Variants in ZNF761 observed in about 807,000 individuals in gnomAD.
The protein encoded by ZNF761 is zinc finger protein 761.
In ZNF761, 43 loss-of-function variants were observed where a neutral mutation model predicts 59.9. The observed-to-expected ratio is 0.72, with a 90% confidence interval of 0.56 to 0.92. The LOEUF (loss-of-function observed/expected upper bound fraction) is 0.92, where lower values mean the gene tolerates loss of function less well. ZNF761 is among the 40% of genes least tolerant of loss of function. The pLI, the probability that ZNF761 is intolerant of heterozygous loss-of-function variation, is 0.00. For missense variants in ZNF761, 850 were observed against 906.1 expected, an observed-to-expected ratio of 0.94 and a Z score of 0.79; for synonymous variants, 294 against 304.8, an observed-to-expected ratio of 0.96 and a Z score of 0.37.
chr19:53,440,076 A>G (rs558751427), intron 1 of ZNF761, among the ~76,000 whole-genome samples: 2 of 152,284 alleles, frequency 1.3e-5, no homozygotes, highest in South Asian at 4.1e-4. Flanking sequence ...CACCATTTTC[A>G]GAGACTGGGG....
At chr19:53,442,587 C>T (rs2086112124) in intron 1 of ZNF761, 1 of 620,930 alleles carries the variant, frequency 1.6e-6, no homozygotes, top group South Asian at 1.7e-5. Context: ...CCAGACTTTG[C>T]TTGACCTGAA....
chr19:53,441,764 T>G, intron 1 of ZNF761: 1 of 866,786 alleles, frequency 1.2e-6, no homozygotes, highest in Non-Finnish European at 1.8e-6. Context: ...AATCTTAGTT[T>G]TCAAAATTTC....
At chr19:53,443,469 A>C (rs2086121637) in intron 1 of ZNF761, 1 of 152,268 alleles carries the variant, frequency 6.6e-6, no homozygotes, top group Non-Finnish European at 1.5e-5. Flanking sequence ...TGGAGGCTGC[A>C]ATAGACCTGA....
At chr19:53,452,939 A>G (rs2086233752) in intron 4 of ZNF761, among the ~76,000 whole-genome samples, 2 of 152,172 alleles carry the variant, frequency 1.3e-5, no homozygotes, top group African/African-American at 4.8e-5. Flanking sequence ...TTATGTTTTT[A>G]TTGTGCAATT....
intron 1 of ZNF761, among the ~76,000 whole-genome samples, chr19:53,433,272 A>G (rs1568796476): frequency 6.6e-6 from 1 of 151,916 alleles, no homozygotes; most frequent in Non-Finnish European, 1.5e-5. Flanking sequence ...TTAATCATAT[A>G]ATGATAGGTC....
rs2086202129 is a variant in ZNF761 at position 53,449,928 on chromosome 19, G to A, written c.142+290G>A. 4 of 591,134 alleles carry A rather than the reference G, an allele frequency of 6.8e-6. No homozygotes were observed. In the East Asian group the frequency reaches 1.2e-4, roughly 18 times the overall value. 36.6% of individuals were successfully genotyped at this position (591,134 alleles called of 1,614,324 possible). A position where few individuals can be genotyped will look rare whatever the true frequency, so the allele number is the denominator to read the frequency against. On this transcript the variant is annotated intron_variant, in intron 4 of 4. Transcript: ENST00000684525. Reference sequence around the variant, plus strand: ...ATTCATCTTGATCTCCTGAGCTCAAGAGATCCTCCTCAGTCTCCCAAGTAG... The same window carrying A: ...ATTCATCTTGATCTCCTGAGCTCAAAAGATCCTCCTCAGTCTCCCAAGTAG...
chr19:53,434,596 T>C (rs1481347232), intron 1 of ZNF761, among the ~76,000 whole-genome samples: 1 of 152,242 alleles, frequency 6.6e-6, no homozygotes, highest in African/African-American at 2.4e-5. Context: ...ATTATAATAT[T>C]GCTGTCTTAA....
chr19:53,455,195 T>C lies in ZNF761; in HGVS notation c.688T>C (p.Leu230=). 1 of 1,614,218 alleles carries C rather than the reference T, an allele frequency of 6.2e-7. No individual in the cohort carries two copies. The stretch of plus-strand genomic sequence containing the variant: ...CAAAGCCTTTAATTACAGCTCACTC[T>C]TAAGGAAACATCAGATAATCCATTT... The part of the protein sequence containing the change: ...SGKAFNYSSL[L]RKHQIIHLAD... Residue 230 remains leucine (L), a synonymous_variant, in exon 5 of 5, where the codon TTA becomes CTA. Transcript: ENST00000684525.
intron 4 of ZNF761, among the ~76,000 whole-genome samples, chr19:53,453,743 G>T (rs1202111856): frequency 6.6e-6 from 1 of 152,110 alleles, no homozygotes; most frequent in African/African-American, 2.4e-5. Flanking sequence ...AAGCATGGTG[G>T]TGTGTGCCTG....
In ZNF761 at chr19:53,457,198, C is replaced by CGTA. The variant is rs1451293025; in HGVS notation, c.*450_*451insGTA. On this transcript the variant is annotated 3_prime_UTR_variant, in exon 5 of 5. Transcript: ENST00000684525. The stretch of plus-strand genomic sequence containing the variant: ...CACAAAGTCTTCAGTAATGCTACAA[C>CGTA]CATTGTGAATCACTGGAGAATCCAT... The CGTA allele has an allele frequency of 2.0e-6, 1 of 498,716 alleles. No homozygotes were observed. Among genetic ancestry groups the CGTA allele is most frequent in the African/African-American group, 2.0e-5 (1 of 50,768 alleles). The allele number at this position is 498,716 out of a possible 1,614,324, so 30.9% of individuals were successfully genotyped here.
chr19:53,453,308 T>C (rs1241344842), intron 4 of ZNF761, among the ~76,000 whole-genome samples: 1 of 152,204 alleles, frequency 6.6e-6, no homozygotes, highest in African/African-American at 2.4e-5. Context: ...TCAATTCTTA[T>C]TCCTTATAAT....
rs1195385728 is a variant in ZNF761 at position 53,457,281 on chromosome 19, T to A, written c.*533T>A. ...TGGCAGATTTTTCAGACATTGTTCATACCTTGCAGTTCATCGGTGAACTCA... is the reference window on the plus strand; with the variant it reads ...TGGCAGATTTTTCAGACATTGTTCAAACCTTGCAGTTCATCGGTGAACTCA... On this transcript the variant is annotated 3_prime_UTR_variant, in exon 5 of 5. Transcript: ENST00000684525. 5 of 420,084 alleles carry A rather than the reference T, an allele frequency of 1.2e-5. No individual in the cohort carries two copies. The highest frequency in any genetic ancestry group is 2.4e-5 in the Non-Finnish European group (5 of 208,704). 26.0% of individuals were successfully genotyped at this position (420,084 alleles called of 1,614,324 possible).
intron 2 of ZNF761, among the ~76,000 whole-genome samples, chr19:53,446,700 G>A (rs2147133749): frequency 1.0e-5 from 1 of 97,928 alleles, no homozygotes; most frequent in East Asian, 2.2e-4. Flanking sequence ...GTAGAGACAG[G>A]GTTTCACAGT....
At position 53,456,407 on chromosome 19, in the gene ZNF761, T is replaced by A. The variant is rs1450691710; in HGVS notation, c.1900T>A (p.Tyr634Asn). 1 of 1,612,922 alleles carries A rather than the reference T, an allele frequency of 6.2e-7. No individual in the cohort carries two copies. Among genetic ancestry groups the A allele is most frequent in the East Asian group, 2.2e-5 (1 of 44,744 alleles). Reference protein sequence around the residue: ...HRRLHTGEKPYKCEECDKAFR... With the variant: ...HRRLHTGEKPNKCEECDKAFR... ...TAGACTTCATACCGGAGAGAAACCT[T>A]ACAAATGTGAAGAATGTGACAAAGC... Residue 634 changes from tyrosine to asparagine, a missense_variant, in exon 5 of 5, where the codon TAC becomes AAC. By Grantham distance (143) the Tyr-to-Asn change is moderately radical. Coordinates refer to ENST00000684525, the MANE Select transcript of ZNF761 (RefSeq NM_001289951.2).
chr19:53,455,058 C>A lies in ZNF761; in HGVS notation c.551C>A (p.Pro184His), dbSNP rs778451107. Residue 184 changes from proline (P) to histidine (H), a missense_variant, in exon 5 of 5, where the codon CCC (proline) becomes CAC (histidine). Physicochemically the swap from Pro to His is moderately conservative, Grantham distance 77. Coordinates refer to ENST00000684525, the MANE Select transcript of ZNF761 (RefSeq NM_001289951.2). ...VSTAQRISCR[P>H]KTHISNNHGN... ...ACAGCCCAAAGAATTTCTTGTAGGCCCAAAACCCATATATCTAATAACCAT... is the reference window on the plus strand; with the variant it reads ...ACAGCCCAAAGAATTTCTTGTAGGCACAAAACCCATATATCTAATAACCAT... 57 of 1,613,936 alleles carry A rather than the reference C, an allele frequency of 3.5e-5. 1 individual carries two copies. Among genetic ancestry groups the A allele is most frequent in the Non-Finnish European group, 3.2e-5 (38 of 1,180,004 alleles).
intron 1 of ZNF761, among the ~76,000 whole-genome samples, chr19:53,436,413 TC>T: frequency 6.6e-6 from 1 of 152,202 alleles, no homozygotes; most frequent in East Asian, 1.9e-4. Flanking sequence ...TTCTTGGAGA[TC>T]ACCTTTAATT....
chr19:53,454,389 T>G (rs2086245345), intron 4 of ZNF761, among the ~76,000 whole-genome samples: 1 of 152,202 alleles, frequency 6.6e-6, no homozygotes, highest in South Asian at 2.1e-4. Flanking sequence ...TGGAAAAATA[T>G]TCCTTACTTT....
intron 4 of ZNF761, among the ~76,000 whole-genome samples, chr19:53,451,325 C>G (rs2086219855): frequency 6.6e-6 from 1 of 151,964 alleles, no homozygotes; most frequent in Admixed American, 6.6e-5. Context: ...ATTCTCCTGC[C>G]TCAGTGTCAT....
rs145130738 is a variant in ZNF761, at chr19:53,456,431, G to A, written c.1924G>A (p.Ala642Thr). Residue 642 changes from alanine (A) to threonine (T), a missense_variant, in exon 5 of 5, where the codon GCT (alanine) becomes ACT (threonine). Ala to Thr is a moderately conservative substitution (Grantham distance 58). Transcript: ENST00000684525. ...TTACAAATGTGAAGAATGTGACAAA[G>A]CTTTCCGTGTGAAATCAAACCTTGA... is the stretch of plus-strand genomic sequence containing the variant. The part of the protein sequence containing the change: ...KPYKCEECDK[A>T]FRVKSNLEGH... The A allele has an allele frequency of 1.4e-4, 223 of 1,612,160 alleles. 1 individual carries two copies. The East Asian group carries it at 3.2e-3, about 23-fold the overall frequency.
Sources: gnomAD v4.1 joint callset for allele counts (sites outside exome capture counted in the v4.1 genomes callset) on GRCh38, gnomAD v4.1.1 for gene constraint, MANE v1.5 for transcripts, NCBI Gene and HGNC (gene_info 2026-07-23, HGNC 2026-07-21) for gene names.